The following RAP1A variants were observed in gnomAD, a reference collection of about 807,000 sequenced individuals.
RAP1A encodes RAP1A, member of RAS oncogene family.
In RAP1A, 6 loss-of-function variants were observed where a neutral mutation model predicts 26.4. The observed-to-expected ratio is 0.23, with a 90% confidence interval of 0.12 to 0.45. RAP1A has a LOEUF of 0.45. Among genes scored for constraint, RAP1A ranks in the 20% least tolerant of loss-of-function variants. The pLI is 0.99. For synonymous variants in RAP1A, 73 were observed against 79.4 expected (o/e 0.92, Z 0.43); for missense variants, 121 against 217.2 (o/e 0.56, Z 2.78).
chr1:111,652,845 T>C (rs1660317798), intron 1 of RAP1A, among the ~76,000 whole-genome samples: 1 of 151,848 alleles, frequency 6.6e-6, no homozygotes, highest in Non-Finnish European at 1.5e-5. Context: ...GCTAAAGAGA[T>C]GCAATGAAAA....
intron 1 of RAP1A, among the ~76,000 whole-genome samples, chr1:111,681,425 C>A (rs1661290799): frequency 1.3e-5 from 2 of 152,128 alleles, no homozygotes; most frequent in African/African-American, 4.8e-5. Context: ...CATGTTCTAA[C>A]CCAATGCAAG....
At position 111,662,947 on chromosome 1, in the gene RAP1A, G is replaced by C. The variant is rs141452230; in HGVS notation, c.-27-28387G>C. On this transcript the variant is annotated intron_variant, in intron 1 of 7. Coordinates refer to ENST00000369709, the MANE Select transcript of RAP1A (RefSeq NM_002884.4). Reference sequence around the variant, plus strand: ...GTTGTTGTGTTTTTGACACAGTCTTGCTCTGTCGCCAGGCTGGAGCAAGTG... The same window carrying C: ...GTTGTTGTGTTTTTGACACAGTCTTCCTCTGTCGCCAGGCTGGAGCAAGTG... 3.0e-3 allele frequency among the ~76,000 whole-genome samples: 462 copies of C among 152,228 alleles called. 1 individual carries two copies. The highest frequency in any genetic ancestry group is 0.01 in the African/African-American group (430 of 41,538).
chr1:111,552,299 T>G (rs905909299), intron 1 of RAP1A, among the ~76,000 whole-genome samples: 1 of 152,184 alleles, frequency 6.6e-6, no homozygotes, highest in Admixed American at 6.5e-5. Context: ...TATCTTCAAG[T>G]GGCTATCTGC....
chr1:111,705,449 A>G (rs1662159974), intron 6 of RAP1A, among the ~76,000 whole-genome samples: 1 of 152,206 alleles, frequency 6.6e-6, no homozygotes, highest in African/African-American at 2.4e-5. Flanking sequence ...TTGACTTTTA[A>G]AAATGACCAG....
intron 1 of RAP1A, among the ~76,000 whole-genome samples, chr1:111,589,944 G>GT (rs1023574515): frequency 2.6e-5 from 4 of 151,908 alleles, no homozygotes; most frequent in Non-Finnish European, 4.4e-5. Flanking sequence ...TTTTGTTTTT[G>GT]TTTTTTGTAG....
intron 1 of RAP1A, among the ~76,000 whole-genome samples, chr1:111,667,227 C>A (rs1275664773): frequency 6.6e-6 from 1 of 152,012 alleles, no homozygotes; most frequent in African/African-American, 2.4e-5. Flanking sequence ...TTCTGACACT[C>A]CTACCCTCCT....
rs1043843173 is a variant in RAP1A, at chr1:111,555,692, T to A, written c.-28+13183T>A. ...GATACTGTCTTTTCAACAAATGGTG[T>A]TGGGAAAACTGGATAATAACAAAAG... On this transcript the variant is annotated intron_variant, in intron 1 of 7. Coordinates refer to the RAP1A transcript ENST00000356415. Among the ~76,000 whole-genome samples the A allele has an allele frequency of 3.3e-5, 5 of 152,048 alleles. No individual in the cohort carries two copies. The East Asian group carries it at 9.6e-4, about 29-fold the overall frequency.
chr1:111,638,810 T>G (rs1181039427), intron 1 of RAP1A, among the ~76,000 whole-genome samples: 1 of 152,194 alleles, frequency 6.6e-6, no homozygotes, highest in Non-Finnish European at 1.5e-5. Flanking sequence ...ATATAACATG[T>G]TCTAATAAGT....
chr1:111,542,085 CT>C (rs35807618), upstream of RAP1A: 73,484 of 166,724 alleles, frequency 0.44, 15,086 homozygotes, highest in East Asian at 0.66. Flanking sequence ...TGCAAAGAAG[CT>C]TTTTTTTTTT....
At chr1:111,637,457 A>C (rs1264648872) in intron 1 of RAP1A, among the ~76,000 whole-genome samples, 3 of 152,206 alleles carry the variant, frequency 2.0e-5, no homozygotes, top group Admixed American at 2.0e-4. Flanking sequence ...TGTTTTATGC[A>C]CTAAAAGAAT....
chr1:111,673,122 AC>A (rs1228774639), intron 1 of RAP1A, among the ~76,000 whole-genome samples: 1 of 152,184 alleles, frequency 6.6e-6, no homozygotes, highest in Non-Finnish European at 1.5e-5. Flanking sequence ...ACCAAAAAGT[AC>A]AGTTTTTCTT....
intron 1 of RAP1A, among the ~76,000 whole-genome samples, chr1:111,562,050 C>T (rs1657762204): frequency 6.6e-6 from 1 of 152,196 alleles, no homozygotes; most frequent in African/African-American, 2.4e-5. Flanking sequence ...TTTTTCTCAA[C>T]TGGGACAGCC....
intron 4 of RAP1A, among the ~76,000 whole-genome samples, chr1:111,703,005 A>G (rs559744932): frequency 1.6e-3 from 244 of 152,364 alleles, no homozygotes; most frequent in Admixed American, 2.8e-3. Context: ...TATTGGGCTT[A>G]TACCTCAGAT....
chr1:111,684,734 C>CT (rs1661415339), intron 1 of RAP1A, among the ~76,000 whole-genome samples: 1 of 146,526 alleles, frequency 6.8e-6, no homozygotes, highest in African/African-American at 2.5e-5. Flanking sequence ...TTCAGTGCTC[C>CT]CCATAAAGCT....
At chr1:111,704,235 T>C (rs890008991) in intron 5 of RAP1A, 108 bp from the exon 6 acceptor site, 17 of 1,163,886 alleles carry the variant, frequency 1.5e-5, no homozygotes, top group Middle Eastern at 6.0e-4. Context: ...AAGCTTGCGG[T>C]CCCAACTAAT....
At chr1:111,545,513 C>T (rs757718290) in intron 1 of RAP1A, among the ~76,000 whole-genome samples, 1 of 152,014 alleles carries the variant, frequency 6.6e-6, no homozygotes, top group Non-Finnish European at 1.5e-5. Flanking sequence ...TTTATGTATT[C>T]TGGCTACTAG....
At chr1:111,613,393 G>T (rs557354029) in intron 1 of RAP1A, among the ~76,000 whole-genome samples, 2 of 152,134 alleles carry the variant, frequency 1.3e-5, no homozygotes, top group South Asian at 4.1e-4. Context: ...TAGAGACGGG[G>T]TTTCACCGTG....
At chr1:111,704,252 C>A in intron 5 of RAP1A, 91 bp from the exon 6 acceptor site, 3 of 1,308,922 alleles carry the variant, frequency 2.3e-6, no homozygotes, top group Non-Finnish European at 1.0e-6. Flanking sequence ...TAATGCATTT[C>A]AGTTGGTGGC....
intron 1 of RAP1A, among the ~76,000 whole-genome samples, chr1:111,611,299 C>T (rs537274477): frequency 1.3e-5 from 2 of 152,164 alleles, no homozygotes; most frequent in Admixed American, 1.3e-4. Flanking sequence ...GTATCAGGCA[C>T]TAAGGGAAGG....
Sources: allele counts gnomAD v4.1 joint callset (sites outside exome capture counted in the v4.1 genomes callset), GRCh38; gene constraint gnomAD v4.1.1; transcripts MANE v1.5; gene names NCBI Gene and HGNC (gene_info 2026-07-23, HGNC 2026-07-21).